The following TULP3 variants were observed in gnomAD, a reference collection of about 807,000 sequenced individuals.
TULP3 encodes tubby-related protein 3.
A neutral mutation model predicts 50.7 loss-of-function variants in TULP3; 38 were observed. That is an observed-to-expected ratio of 0.75 (90% CI 0.58 to 0.98). TULP3 has a LOEUF of 0.98. TULP3 is among the 50% of genes least tolerant of loss of function. The pLI is 0.00. For synonymous variants in TULP3, 183 were observed against 196.6 expected, an observed-to-expected ratio of 0.93 and a Z score of 0.58; for missense variants, 550 against 568.0, an observed-to-expected ratio of 0.97 and a Z score of 0.32.
chr12:2,911,664 C>CTTTTTTTTTTTTTTTTTTTTT lies in TULP3; in HGVS notation c.93+2107_93+2127dup, dbSNP rs56027951. On this transcript the variant is annotated intron_variant, in intron 2 of 10. Coordinates refer to ENST00000448120, the MANE Select transcript of TULP3 (RefSeq NM_003324.5). ...ACAGGCGTGAGCCACTGCGCCCAGCCTTTTTTTTTTTTTTTTTTTTTTTTT... is the reference window on the plus strand; with the variant it reads ...ACAGGCGTGAGCCACTGCGCCCAGCCTTTTTTTTTTTTTTTTTTTTTTTTTTTTTTTTTTTTTTTTTTTTTT... Among the ~76,000 whole-genome samples the CTTTTTTTTTTTTTTTTTTTTT allele has an allele frequency of 1.3e-4, 5 of 38,172 alleles. 2 individuals are homozygous for CTTTTTTTTTTTTTTTTTTTTT. Among genetic ancestry groups the CTTTTTTTTTTTTTTTTTTTTT allele is most frequent in the Non-Finnish European group, 2.6e-4 (5 of 19,592 alleles). The allele number at this position is 38,172 out of a possible 152,430, so 25.0% of individuals were successfully genotyped here. A position where few individuals can be genotyped will look rare whatever the true frequency, so the allele number is the denominator to read the frequency against.
intron 4 of TULP3, among the ~76,000 whole-genome samples, chr12:2,929,902 A>G (rs1460268855): frequency 6.6e-6 from 1 of 152,114 alleles, no homozygotes; most frequent in East Asian, 1.9e-4. Context: ...CCTGCCTAAA[A>G]TTTACAACTT....
At position 2,940,047 on chromosome 12, in the gene TULP3, C is replaced by G. The variant is rs2098203784; in HGVS notation, c.*603C>G. On this transcript the variant is annotated 3_prime_UTR_variant, in exon 11 of 11. Coordinates refer to ENST00000448120, the MANE Select transcript of TULP3 (RefSeq NM_003324.5). ...CAGATTGGCCGGCACCAATCTTAGT[C>G]AAGAGTGGCTGTGATCACATTTGTG... The G allele has an allele frequency of 7.8e-7, 1 of 1,288,908 alleles. No homozygotes were observed. Among genetic ancestry groups the G allele is most frequent in the Non-Finnish European group, 1.0e-6 (1 of 988,600 alleles). The allele number at this position is 1,288,908 out of a possible 1,614,324, so 79.8% of individuals were successfully genotyped here.
At chr12:2,913,696 C>T (rs1462137907) in intron 2 of TULP3, among the ~76,000 whole-genome samples, 14 of 152,082 alleles carry the variant, frequency 9.2e-5, no homozygotes, top group South Asian at 2.1e-4. Context: ...CTGCAACCTC[C>T]GCCTCCCGGG....
At chr12:2,904,922 T>G (rs1419999857) in intron 1 of TULP3, among the ~76,000 whole-genome samples, 2 of 151,906 alleles carry the variant, frequency 1.3e-5, no homozygotes. Flanking sequence ...CTGGCCAACA[T>G]GGCGAAACCC....
intron 1 of TULP3, among the ~76,000 whole-genome samples, chr12:2,892,277 A>C (rs1376597059): frequency 2.6e-5 from 4 of 151,000 alleles, no homozygotes; most frequent in African/African-American, 9.7e-5. Context: ...TTTTTTTCCC[A>C]AGTCGAGGAA....
intron 2 of TULP3, among the ~76,000 whole-genome samples, chr12:2,913,851 C>T (rs532297756): frequency 2.6e-5 from 4 of 152,226 alleles, no homozygotes; most frequent in South Asian, 4.1e-4. Flanking sequence ...CCTCATGATC[C>T]GCCTGCCTCG....
chr12:2,934,630 C>T (rs1405532229), intron 8 of TULP3, 69 bp downstream of exon 8: 45 of 943,498 alleles, frequency 4.8e-5, no homozygotes, highest in Non-Finnish European at 6.1e-5. Context: ...CACCTAGTGT[C>T]GCTGAAGAAC....
intron 1 of TULP3, among the ~76,000 whole-genome samples, chr12:2,900,186 G>C (rs1028419284): frequency 7.2e-5 from 11 of 152,154 alleles, no homozygotes. Context: ...TCGCGCCACT[G>C]TACTCCAGCC....
intron 1 of TULP3, among the ~76,000 whole-genome samples, chr12:2,901,702 T>C (rs1381747544): frequency 1.3e-5 from 2 of 152,172 alleles, no homozygotes; most frequent in East Asian, 3.9e-4. Context: ...AGTTAGGTTG[T>C]TTGTCTTAAT....
At chr12:2,895,564 G>A (rs1049195415) in intron 1 of TULP3, among the ~76,000 whole-genome samples, 9 of 152,144 alleles carry the variant, frequency 5.9e-5, no homozygotes, top group African/African-American at 1.9e-4. Flanking sequence ...TGACATTTAG[G>A]ATTTGGACAA....
Position 2,940,684 on chromosome 12 carries a change from A to G in TULP3, c.*1240A>G, listed in dbSNP as rs1378691275. 3 of 1,551,154 alleles carry G rather than the reference A, an allele frequency of 1.9e-6. No individual in the cohort carries two copies. Among genetic ancestry groups the G allele is most frequent in the Non-Finnish European group, 1.7e-6 (2 of 1,146,892 alleles). ...CCTCCCTTCTGTGGACTGACCTCTC[A>G]CCTCCGCCTGTTGTTCCTGCACCAC... is the stretch of plus-strand genomic sequence containing the variant. On this transcript the variant is annotated 3_prime_UTR_variant, in exon 11 of 11. Coordinates refer to ENST00000448120, the MANE Select transcript of TULP3 (RefSeq NM_003324.5).
At chr12:2,932,376 C>T (rs931013484) in intron 6 of TULP3, among the ~76,000 whole-genome samples, 5 of 151,702 alleles carry the variant, frequency 3.3e-5, no homozygotes, top group African/African-American at 7.3e-5. Flanking sequence ...GACATGAGCT[C>T]GAGACCAGCT....
At chr12:2,906,577 C>T (rs2098182385) in intron 1 of TULP3, among the ~76,000 whole-genome samples, 1 of 151,646 alleles carries the variant, frequency 6.6e-6, no homozygotes, top group Admixed American at 6.6e-5. Context: ...AATCCACCCA[C>T]CTTGGCCTCC....
intron 8 of TULP3, among the ~76,000 whole-genome samples, chr12:2,934,793 C>G (rs2098200134): frequency 6.6e-6 from 1 of 152,132 alleles, no homozygotes; most frequent in African/African-American, 2.4e-5. Flanking sequence ...TTTCCTGCTG[C>G]CACTTAATTC....
intron 2 of TULP3, among the ~76,000 whole-genome samples, chr12:2,917,137 A>G (rs1346278283): frequency 1.3e-5 from 2 of 152,044 alleles, no homozygotes; most frequent in Non-Finnish European, 2.9e-5. Context: ...AGGGAGCTCT[A>G]CTCTTTCAGT....
At position 2,940,474 on chromosome 12, in the gene TULP3, G is replaced by T. The variant is rs1415293172; in HGVS notation, c.*1030G>T. The T allele has an allele frequency of 1.4e-5, 21 of 1,485,622 alleles. No individual in the cohort carries two copies. The highest frequency in any genetic ancestry group is 2.5e-5 in the Admixed American group (1 of 40,348). The allele number at this position is 1,485,622 out of a possible 1,614,324, so 92.0% of individuals were successfully genotyped here. On this transcript the variant is annotated 3_prime_UTR_variant, in exon 11 of 11. Transcript: ENST00000448120. ...AGAAGGTGTTTTGCTACGTTTTTTTGATTATTACACCCCTCCACGTATTAT... is the reference window on the plus strand; with the variant it reads ...AGAAGGTGTTTTGCTACGTTTTTTTTATTATTACACCCCTCCACGTATTAT...
Position 2,920,909 on chromosome 12 carries a change from T to C in TULP3, c.240T>C (p.Asn80=), listed in dbSNP as rs370858813. The change falls in exon 3 of 11, where the codon AAT becomes AAC. Residue 80 remains asparagine (N), a synonymous_variant. Transcript: ENST00000448120. ...TGAACTGTCATACTCCCCACAGCAATGTCATCTTACATGGTGTGTATTTAG... is the reference window on the plus strand; with the variant it reads ...TGAACTGTCATACTCCCCACAGCAACGTCATCTTACATGGTGTGTATTTAG... The part of the protein sequence containing the change: ...PLVNCHTPHS[N]VILHGIDGPA... 3.7e-6 allele frequency: 6 copies of C among 1,613,996 alleles called. No homozygotes were observed. The African/African-American group carries it at 8.0e-5, about 22-fold the overall frequency.
chr12:2,923,750 TC>T (rs1429851434), intron 4 of TULP3, among the ~76,000 whole-genome samples: 1 of 150,974 alleles, frequency 6.6e-6, no homozygotes, highest in Non-Finnish European at 1.5e-5. Flanking sequence ...GGCGGGCAGA[TC>T]ACTTGAGTCC....
At chr12:2,904,746 AC>A (rs2098181199) in intron 1 of TULP3, among the ~76,000 whole-genome samples, 2 of 151,578 alleles carry the variant, frequency 1.3e-5, no homozygotes, top group Admixed American at 6.6e-5. Flanking sequence ...TGATTTATTA[AC>A]CAGGCTTGGT....
Sources: gnomAD v4.1 joint callset for allele counts (sites outside exome capture counted in the v4.1 genomes callset) on GRCh38, gnomAD v4.1.1 for gene constraint, MANE v1.5 for transcripts, NCBI Gene and HGNC (gene_info 2026-07-23, HGNC 2026-07-21) for gene names.